Variants in HGF observed in about 807,000 individuals in gnomAD.
HGF encodes hepatocyte growth factor, also known as fibroblast-derived tumor cytotoxic factor.
Under a neutral mutation model 111.6 loss-of-function variants are expected in HGF, and 39 were observed. The observed-to-expected ratio is 0.35, with a 90% CI of 0.27 to 0.46. The LOEUF is 0.46. HGF is among the 20% of genes least tolerant of loss of function. HGF has a pLI of 1.00. For synonymous variants in HGF, 285 were observed against 294.8 expected, an observed-to-expected ratio of 0.97 and a Z score of 0.34; for missense variants, 735 against 910.5, an observed-to-expected ratio of 0.81 and a Z score of 2.48.
chr7:81,753,564 G>A (rs771207359), intron 4 of HGF, among the ~76,000 whole-genome samples: 29 of 151,992 alleles, frequency 1.9e-4, no homozygotes, highest in Middle Eastern at 3.4e-3. Flanking sequence ...ACAGGTATGC[G>A]TCATGTACCA....
At chr7:81,715,814 T>C (rs1789695999) in intron 11 of HGF, among the ~76,000 whole-genome samples, 1 of 152,178 alleles carries the variant, frequency 6.6e-6, no homozygotes, top group African/African-American at 2.4e-5. Context: ...ATTTAATCTC[T>C]TTTTAGAGTA....
At chr7:81,713,491 A>C (rs1019684282) in intron 11 of HGF, among the ~76,000 whole-genome samples, 31 of 150,864 alleles carry the variant, frequency 2.1e-4, no homozygotes, top group Non-Finnish European at 4.1e-4. Flanking sequence ...GCTCCACTGC[A>C]CTCCAGCCTG....
At chr7:81,737,870 T>G (rs1277630213) in intron 7 of HGF, among the ~76,000 whole-genome samples, 8 of 152,174 alleles carry the variant, frequency 5.3e-5, no homozygotes, top group Non-Finnish European at 2.9e-5. Context: ...TAAAGGTATC[T>G]TCAGTCCAAG....
At position 81,729,715 on chromosome 7, in the gene HGF, TCCTTGA is replaced by T; in HGVS notation, c.924_929del (p.Gln309_Gly310del). On this transcript the variant is annotated inframe_deletion, in exon 8 of 18. Transcript: ENST00000222390. ...TATTGACAGTGCCCCTGTAGCCTTC[TCCTTGA>T]CCTTGGATGCATTCAGTTGTTTCCA... 1 of 1,613,928 alleles carries T rather than the reference TCCTTGA, an allele frequency of 6.2e-7. No homozygotes were observed. The highest frequency in any genetic ancestry group is 1.1e-5 in the South Asian group (1 of 91,076).
At chr7:81,717,414 A>G (rs1051754783) in intron 10 of HGF, 49 bp from the exon 11 acceptor site, 9 of 1,538,688 alleles carry the variant, frequency 5.8e-6, no homozygotes, top group Non-Finnish European at 8.1e-6. Context: ...ATTCCATCCA[A>G]GAGACACAAA....
At chr7:81,718,718 G>A (rs892900358) in intron 10 of HGF, among the ~76,000 whole-genome samples, 1 of 152,150 alleles carries the variant, frequency 6.6e-6, no homozygotes, top group Non-Finnish European at 1.5e-5. Context: ...TGAGGATGAA[G>A]ATGAGGAATC....
At chr7:81,732,547 T>A (rs1291600989) in intron 7 of HGF, among the ~76,000 whole-genome samples, 1 of 152,122 alleles carries the variant, frequency 6.6e-6, no homozygotes, top group Non-Finnish European at 1.5e-5. Flanking sequence ...ATTTTAAAGT[T>A]ACACTCTTAC....
At chr7:81,738,934 G>T (rs1787919489) in intron 7 of HGF, among the ~76,000 whole-genome samples, 1 of 152,110 alleles carries the variant, frequency 6.6e-6, no homozygotes. Context: ...TCAACATGCT[G>T]GGTGGAATTG....
At chr7:81,725,809 C>G in intron 9 of HGF, 81 bp downstream of exon 9, 1 of 1,466,312 alleles carries the variant, frequency 6.8e-7, no homozygotes, top group Non-Finnish European at 9.6e-7. Context: ...AGAAGTAGAT[C>G]TTATGCTGTA....
At chr7:81,746,598 G>A (rs928406060) in intron 5 of HGF, among the ~76,000 whole-genome samples, 1 of 152,048 alleles carries the variant, frequency 6.6e-6, no homozygotes, top group Non-Finnish European at 1.5e-5. Context: ...ACACATAAAA[G>A]ATAAGTATTC....
chr7:81,721,287 T>C (rs768538223), intron 9 of HGF, among the ~76,000 whole-genome samples: 1 of 152,096 alleles, frequency 6.6e-6, no homozygotes, highest in Non-Finnish European at 1.5e-5. Context: ...TTGAAATCTG[T>C]ACAAATCAAA....
chr7:81,752,567 A>T (rs776808853), intron 4 of HGF, among the ~76,000 whole-genome samples: 5 of 152,138 alleles, frequency 3.3e-5, no homozygotes, highest in African/African-American at 4.8e-5. Flanking sequence ...TCAAAGCTCC[A>T]CTAAAAGATA....
intron 15 of HGF, 89 bp from the exon 16 acceptor site, chr7:81,705,842 C>A (rs1789411000): frequency 3.9e-6 from 3 of 764,758 alleles, no homozygotes; most frequent in South Asian, 1.5e-5. Context: ...TTTAATATGG[C>A]ATTTACAGAG....
In HGF at chr7:81,700,991, A is replaced by G. The variant is rs1442461422; in HGVS notation, c.*1590T>C. ...TAAGTCAGAGAAATGGGACTACTGG[A>G]TTCACACCATTCAAAAAATTATTTT... On this transcript the variant is annotated 3_prime_UTR_variant, in exon 18 of 18. Transcript: ENST00000222390. The G allele has an allele frequency of 6.6e-6, 1 of 151,634 alleles. No homozygotes were observed. The highest frequency in any genetic ancestry group is 1.9e-4 in the East Asian group (1 of 5,174). The allele number at this position is 151,634 out of a possible 1,614,324, so 9.4% of individuals were successfully genotyped here.
intron 5 of HGF, among the ~76,000 whole-genome samples, chr7:81,750,660 T>C (rs1788453760): frequency 1.3e-5 from 2 of 152,186 alleles, no homozygotes; most frequent in Admixed American, 1.3e-4. Flanking sequence ...AAAAATCATA[T>C]TCTCACAAGA....
At chr7:81,740,093 T>C (rs1394668642) in intron 7 of HGF, among the ~76,000 whole-genome samples, 1 of 152,208 alleles carries the variant, frequency 6.6e-6, no homozygotes, top group Non-Finnish European at 1.5e-5. Context: ...TAAGGATTGT[T>C]AACTCTACAA....
chr7:81,759,765 A>C (rs1788969382), intron 2 of HGF, among the ~76,000 whole-genome samples: 1 of 152,074 alleles, frequency 6.6e-6, no homozygotes, highest in African/African-American at 2.4e-5. Context: ...CGGCCTCCCA[A>C]AGTGCTAAGC....
intron 5 of HGF, among the ~76,000 whole-genome samples, chr7:81,747,647 C>G (rs1282525959): frequency 6.6e-6 from 1 of 152,162 alleles, no homozygotes; most frequent in African/African-American, 2.4e-5. Context: ...AAATATATTA[C>G]AGTTACATAT....
In HGF at chr7:81,757,354, T is replaced by C. The variant is rs774561645; in HGVS notation, c.368-51A>G. On this transcript the variant is annotated intron_variant, in intron 3 of 17. Coordinates refer to ENST00000222390, the MANE Select transcript of HGF (RefSeq NM_000601.6). ...TTGCAACTATGCAAAACATATGCAG[T>C]ATTTAAGAAAAAAATTCCGTTCAAA... is the stretch of plus-strand genomic sequence containing the variant. 12 of 946,038 alleles carry C rather than the reference T, an allele frequency of 1.3e-5. No individual in the cohort carries two copies. In the South Asian group the frequency reaches 1.3e-4, roughly 10 times the overall value. The allele number at this position is 946,038 out of a possible 1,614,324, so 58.6% of individuals were successfully genotyped here. A position where few individuals can be genotyped will look rare whatever the true frequency, so the allele number is the denominator to read the frequency against.
Sources: gnomAD v4.1 joint callset for allele counts (sites outside exome capture counted in the v4.1 genomes callset) on GRCh38, gnomAD v4.1.1 for gene constraint, MANE v1.5 for transcripts, NCBI Gene and HGNC (gene_info 2026-07-23, HGNC 2026-07-21) for gene names.